Variants in NWD2 observed in about 807,000 individuals in gnomAD.
NWD2 encodes NACHT and WD repeat domain containing 2.
A neutral mutation model predicts 132.7 loss-of-function variants in NWD2; 37 were observed. The observed-to-expected ratio is 0.28, with a 90% confidence interval of 0.21 to 0.37. The LOEUF is 0.37. NWD2 is among the 10% of genes least tolerant of loss of function. The probability of loss-of-function intolerance (pLI) is 1.00; values close to 1 mark genes in which losing one functional copy is unlikely to be tolerated. For missense variants in NWD2, 1,592 were observed against 2,122.4 expected (o/e 0.75, Z 4.91); for synonymous variants, 705 against 803.0 (o/e 0.88, Z 2.06).
intron 1 of NWD2, among the ~76,000 whole-genome samples, chr4:37,254,263 T>A (rs1717465180): frequency 6.6e-6 from 1 of 152,234 alleles, no homozygotes; most frequent in Admixed American, 6.5e-5. Context: ...TCCATTTTGT[T>A]GAGAAATCCC....
At chr4:37,374,257 C>T (rs1369550100) in intron 3 of NWD2, among the ~76,000 whole-genome samples, 2 of 152,206 alleles carry the variant, frequency 1.3e-5, no homozygotes, top group African/African-American at 4.8e-5. Context: ...GATGACACAC[C>T]TGCTCCCCTT....
rs115491606 is a variant in NWD2, at chr4:37,318,318, G to A, written c.152-7618G>A. 8.3e-3 allele frequency among the ~76,000 whole-genome samples: 1,268 copies of A among 152,176 alleles called. 10 individuals carry two copies. Among genetic ancestry groups the A allele is most frequent in the African/African-American group, 0.029 (1,216 of 41,524 alleles). ...TGGGATTACAGGCATGAGCCACTGC[G>A]CCTGGCCAATCTGCTCTAATTTCTA... On this transcript the variant is annotated intron_variant, in intron 1 of 6. Coordinates refer to ENST00000309447, the MANE Select transcript of NWD2 (RefSeq NM_001144990.2).
At chr4:37,397,697 A>C (rs182225354) in intron 3 of NWD2, among the ~76,000 whole-genome samples, 51 of 152,238 alleles carry the variant, frequency 3.4e-4, no homozygotes, top group African/African-American at 1.2e-3. Context: ...TTCATTAGAC[A>C]TTGTTGAAGG....
rs539341685 is a variant in NWD2, at chr4:37,347,864, G to A, written c.241-8502G>A. ...CCAAATGGTGTCAGCCAAAAGAATC[G>A]AGACGAGATTATGTGTATAGTTCTT... is the stretch of plus-strand genomic sequence containing the variant. On this transcript the variant is annotated intron_variant, in intron 2 of 6. Transcript: ENST00000309447. 5.9e-5 allele frequency among the ~76,000 whole-genome samples: 9 copies of A among 152,284 alleles called. 1 individual carries two copies. In the South Asian group the frequency reaches 6.2e-4, roughly 11 times the overall value.
rs1242033612 is a variant in NWD2, at chr4:37,443,470, C to T, written c.1482C>T (p.Asp494=). Residue 494 remains aspartate, a synonymous_variant, in exon 7 of 7, where the codon GAC becomes GAT. Coordinates refer to ENST00000309447, the MANE Select transcript of NWD2 (RefSeq NM_001144990.2). The surrounding 1 kb of genome is among the most constrained non-coding windows in gnomAD (Gnocchi z 4.1). ...SYPKKIHDLC[D]LFINLLNESS... Reference sequence around the variant, plus strand: ...CTAAGAAGATCCATGACCTCTGTGACTTATTTATAAATCTTTTGAATGAGT... The same window carrying T: ...CTAAGAAGATCCATGACCTCTGTGATTTATTTATAAATCTTTTGAATGAGT... The T allele has an allele frequency of 1.3e-6, 2 of 1,552,058 alleles. No individual in the cohort carries two copies. Among genetic ancestry groups the T allele is most frequent in the South Asian group, 2.4e-5 (2 of 84,062 alleles).
intron 2 of NWD2, among the ~76,000 whole-genome samples, chr4:37,328,767 G>A (rs1299361785): frequency 6.6e-6 from 1 of 152,106 alleles, no homozygotes; most frequent in Admixed American, 6.5e-5. Context: ...CTCCTCTAGA[G>A]ATGCTGTTCT....
chr4:37,414,333 G>A (rs1435531221), intron 3 of NWD2, among the ~76,000 whole-genome samples: 2 of 151,864 alleles, frequency 1.3e-5, no homozygotes, highest in East Asian at 3.9e-4. Context: ...GTACTTTTGA[G>A]CATGTATGAA....
In NWD2 at chr4:37,356,435, A is replaced by G. The variant is rs1445115660; in HGVS notation, c.310A>G (p.Lys104Glu). The change falls in exon 3 of 7, where the codon AAG (lysine) becomes GAG (glutamate). Residue 104 changes from lysine (K) to glutamate (E), a missense_variant. Transcript: ENST00000309447. ...CCCAGAGCTCCAGAAGACCCGCATG[A>G]AGCTGCTGGAGAATTGCTTGAAAAC... ...DSPELQKTRM[K>E]LLENCLKTSA... 3.2e-6 allele frequency: 5 copies of G among 1,551,504 alleles called. No individual in the cohort carries two copies. The African/African-American group carries it at 5.5e-5, about 17-fold the overall frequency.
intron 1 of NWD2, among the ~76,000 whole-genome samples, chr4:37,300,002 G>A (rs1003304222): frequency 2.0e-5 from 3 of 151,992 alleles, no homozygotes; most frequent in Non-Finnish European, 2.9e-5. Flanking sequence ...CAAATACATC[G>A]TGTCCTTTTC....
chr4:37,265,634 ATC>A (rs138436411), intron 1 of NWD2, among the ~76,000 whole-genome samples: 4 of 150,440 alleles, frequency 2.7e-5, no homozygotes, highest in Non-Finnish European at 4.4e-5. Flanking sequence ...CATCCCTCCC[ATC>A]TCTCTCTCTC....
intron 3 of NWD2, among the ~76,000 whole-genome samples, chr4:37,360,657 G>A (rs1290977720): frequency 6.6e-6 from 1 of 152,110 alleles, no homozygotes; most frequent in Non-Finnish European, 1.5e-5. Context: ...AGTGTGGAAA[G>A]GTCAACAAAA....
intron 1 of NWD2, among the ~76,000 whole-genome samples, chr4:37,254,361 ACAG>A (rs893749641): frequency 6.6e-6 from 1 of 152,336 alleles, no homozygotes; most frequent in Admixed American, 6.5e-5. Context: ...CCTATCCAAA[ACAG>A]CTGCAGAAGA....
intron 2 of NWD2, among the ~76,000 whole-genome samples, chr4:37,348,703 CTT>C (rs1719699663): frequency 1.5e-5 from 2 of 130,190 alleles, no homozygotes; most frequent in Admixed American, 8.4e-5. Context: ...CACACACACA[CTT>C]TAAGTTCTGA....
chr4:37,245,239 T>TGCCC, intron 1 of NWD2, 21 bp downstream of exon 1: 4 of 1,520,418 alleles, frequency 2.6e-6, no homozygotes, highest in Non-Finnish European at 3.5e-6. Context: ...CGCTCGGGTT[T>TGCCC]GCCCGTCCGT....
rs1237305384 is a variant in NWD2, at chr4:37,397,449, A to G, written c.358-33123A>G. Among the ~76,000 whole-genome samples, 3 of 152,268 alleles carry G rather than the reference A, an allele frequency of 2.0e-5. No individual in the cohort carries two copies. The East Asian group carries it at 5.8e-4, about 29-fold the overall frequency. On this transcript the variant is annotated intron_variant, in intron 3 of 6. Transcript: ENST00000309447. The stretch of plus-strand genomic sequence containing the variant: ...TGGATGGGCCTCATCCAATCAGTTG[A>G]AGAGGGCTTGAGAGATAAAGACTGA...
chr4:37,300,988 G>A lies in NWD2; in HGVS notation c.152-24948G>A, dbSNP rs1231486953. On this transcript the variant is annotated intron_variant, in intron 1 of 6. Coordinates refer to ENST00000309447, the MANE Select transcript of NWD2 (RefSeq NM_001144990.2). ...TACCAGTTTTTGCATTTCACACATT[G>A]CATTTGAGATAATTTTTCTTCTACC... Among the ~76,000 whole-genome samples, 4 of 152,052 alleles carry A rather than the reference G, an allele frequency of 2.6e-5. No individual in the cohort carries two copies. In the East Asian group the frequency reaches 5.8e-4, roughly 22 times the overall value.
intron 3 of NWD2, among the ~76,000 whole-genome samples, chr4:37,381,526 C>T (rs550653878): frequency 1.3e-5 from 2 of 152,246 alleles, no homozygotes; most frequent in East Asian, 1.9e-4. Context: ...TCCATGAGGC[C>T]GCTCCCTCAG....
At chr4:37,327,301 C>G (rs1417789202) in intron 2 of NWD2, among the ~76,000 whole-genome samples, 1 of 151,986 alleles carries the variant, frequency 6.6e-6, no homozygotes, top group African/African-American at 2.4e-5. Flanking sequence ...ATGGTATTGA[C>G]TAGGATTAGC....
At chr4:37,301,416 C>T (rs1718609501) in intron 1 of NWD2, among the ~76,000 whole-genome samples, 1 of 151,996 alleles carries the variant, frequency 6.6e-6, no homozygotes, top group Non-Finnish European at 1.5e-5. Flanking sequence ...ACTGCCTCTA[C>T]TTTATCTCTT....
Sources: allele counts gnomAD v4.1 joint callset (sites outside exome capture counted in the v4.1 genomes callset), GRCh38; gene constraint gnomAD v4.1.1; non-coding constraint Gnocchi (gnomAD v3.1); transcripts MANE v1.5; gene names NCBI Gene and HGNC (gene_info 2026-07-23, HGNC 2026-07-21).